Variants in TMEM267 observed in about 807,000 individuals in gnomAD.
TMEM267 encodes the protein transmembrane protein C5orf28.
A neutral mutation model predicts 19.3 loss-of-function variants in TMEM267; 20 were observed. The observed-to-expected ratio is 1.04, with a 90% CI of 0.73 to 1.51. The LOEUF (loss-of-function observed/expected upper bound fraction) is 1.51. Among genes scored for constraint, TMEM267 ranks in the 40% most tolerant of loss-of-function variants. The pLI, the probability that TMEM267 is intolerant of heterozygous loss-of-function variation, is 0.00. For synonymous variants in TMEM267, 88 were observed against 90.3 expected, an observed-to-expected ratio of 0.97 and a Z score of 0.15; for missense variants, 242 against 261.9, an observed-to-expected ratio of 0.92 and a Z score of 0.52.
chr5:43,462,856 C>A (rs190959431), intron 1 of TMEM267, among the ~76,000 whole-genome samples: 37 of 152,194 alleles, frequency 2.4e-4, no homozygotes, highest in African/African-American at 7.7e-4. Flanking sequence ...AAAATTGACA[C>A]CCTAACATCA....
intron 1 of TMEM267, among the ~76,000 whole-genome samples, chr5:43,463,115 T>A (rs1337779645): frequency 6.6e-6 from 1 of 152,182 alleles, no homozygotes; most frequent in Admixed American, 6.6e-5. Context: ...ATATCACCAC[T>A]GATTCCACAG....
intron 1 of TMEM267, chr5:43,479,826 A>G (rs901734324): frequency 7.2e-6 from 3 of 416,292 alleles, no homozygotes; most frequent in Non-Finnish European, 1.4e-5. Flanking sequence ...GGATCTGGAA[A>G]TAATGATTTC....
intron 2 of TMEM267, among the ~76,000 whole-genome samples, chr5:43,453,259 A>G (rs6451696): frequency 0.56 from 85,638 of 152,112 alleles, 25,999 homozygotes; most frequent in African/African-American, 0.77. Context: ...AACATAAAGA[A>G]TAAGGGGGAA....
intron 1 of TMEM267, among the ~76,000 whole-genome samples, chr5:43,464,640 G>C (rs1160991446): frequency 6.6e-6 from 1 of 152,262 alleles, no homozygotes; most frequent in Middle Eastern, 3.4e-3. Flanking sequence ...AGAGCCCTCA[G>C]AAATAATGCC....
At chr5:43,453,619 G>T in intron 2 of TMEM267, 39 bp downstream of exon 2, 1 of 1,568,454 alleles carries the variant, frequency 6.4e-7, no homozygotes, top group Non-Finnish European at 8.7e-7. Flanking sequence ...TAGTGCTAAG[G>T]AAATTAAAGA....
chr5:43,459,213 G>T lies in TMEM267; in HGVS notation c.-74-5170C>A, dbSNP rs79846404. On this transcript the variant is annotated intron_variant, in intron 1 of 2. Transcript: ENST00000397080. The stretch of plus-strand genomic sequence containing the variant: ...ATACACCCATGTATGATTTTGGGGG[G>T]TAGGGGAAACTGAGCAGTAGAACTT... 9.6e-3 allele frequency among the ~76,000 whole-genome samples: 1,457 copies of T among 152,198 alleles called. 11 individuals are homozygous for T. Among genetic ancestry groups the T allele is most frequent in the Middle Eastern group, 0.051 (15 of 294 alleles).
At chr5:43,469,558 CATTT>C (rs899729441) in intron 1 of TMEM267, among the ~76,000 whole-genome samples, 3 of 152,120 alleles carry the variant, frequency 2.0e-5, no homozygotes, top group Non-Finnish European at 2.9e-5. Flanking sequence ...TAAAATTCAA[CATTT>C]ATTTGTTTTA....
Position 43,477,710 on chromosome 5 carries a change from G to A in TMEM267, c.-75+6112C>T, listed in dbSNP as rs183594281. Among the ~76,000 whole-genome samples, 1,213 of 152,112 alleles carry A rather than the reference G, an allele frequency of 8.0e-3. 20 individuals are homozygous for A. The highest frequency in any genetic ancestry group is 0.028 in the African/African-American group (1,174 of 41,468). ...ACCAGGTATTTCCAATGGCATTGCT[G>A]CCAGTGCTGCCTTGTCTGCTGCTGC... On this transcript the variant is annotated intron_variant, in intron 1 of 2. Coordinates refer to ENST00000397080, the MANE Select transcript of TMEM267 (RefSeq NM_022483.5).
At chr5:43,477,025 GAAA>G (rs766177935) in intron 1 of TMEM267, among the ~76,000 whole-genome samples, 1 of 107,402 alleles carries the variant, frequency 9.3e-6, no homozygotes, top group Non-Finnish European at 2.0e-5. Context: ...GTCTGTACTA[GAAA>G]AAAAAAAAAA....
chr5:43,455,527 ATACC>A (rs1408866512), intron 1 of TMEM267, among the ~76,000 whole-genome samples: 1 of 152,084 alleles, frequency 6.6e-6, no homozygotes, highest in Non-Finnish European at 1.5e-5. Context: ...AGAACCAAAC[ATACC>A]TAGTCAATTT....
At chr5:43,478,883 AT>A (rs1019131702) in intron 1 of TMEM267, among the ~76,000 whole-genome samples, 2 of 152,136 alleles carry the variant, frequency 1.3e-5, no homozygotes, top group African/African-American at 2.4e-5. Context: ...GGAAATAATG[AT>A]CACTCTCAAA....
At chr5:43,452,150 T>C (rs6451695) in intron 2 of TMEM267, among the ~76,000 whole-genome samples, 84,660 of 150,658 alleles carry the variant, frequency 0.56, 25,654 homozygotes, top group African/African-American at 0.77. Context: ...ACTTGTATGA[T>C]TATGACAGCA....
At chr5:43,468,488 G>A (rs922855076) in intron 1 of TMEM267, among the ~76,000 whole-genome samples, 2 of 152,108 alleles carry the variant, frequency 1.3e-5, no homozygotes, top group African/African-American at 4.8e-5. Context: ...AAGGAAAAAG[G>A]GAGAGTCTAA....
At chr5:43,470,393 C>T (rs1229213545) in intron 1 of TMEM267, among the ~76,000 whole-genome samples, 1 of 152,200 alleles carries the variant, frequency 6.6e-6, no homozygotes, top group Non-Finnish European at 1.5e-5. Context: ...TCCACTGCTT[C>T]AGCCTCCGAA....
At chr5:43,462,028 G>A (rs1428022707) in intron 1 of TMEM267, among the ~76,000 whole-genome samples, 1 of 152,220 alleles carries the variant, frequency 6.6e-6, no homozygotes, top group African/African-American at 2.4e-5. Flanking sequence ...GCACAGTCAT[G>A]GTAGTTGTGG....
At chr5:43,455,337 C>T (rs1286945136) in intron 1 of TMEM267, among the ~76,000 whole-genome samples, 4 of 151,562 alleles carry the variant, frequency 2.6e-5, no homozygotes, top group Non-Finnish European at 4.4e-5. Flanking sequence ...GTGGGAGGAT[C>T]GCTTAAGCCC....
intron 2 of TMEM267, among the ~76,000 whole-genome samples, chr5:43,447,797 T>C (rs370950637): frequency 1.6e-4 from 25 of 152,224 alleles, no homozygotes; most frequent in African/African-American, 5.8e-4. Context: ...AAACCTAAGA[T>C]TGATCTAAAA....
In TMEM267 at chr5:43,446,465, G is replaced by C. The variant is rs1554030891; in HGVS notation, c.405C>G (p.Phe135Leu). 1.2e-6 allele frequency: 2 copies of C among 1,613,722 alleles called. No homozygotes were observed. The change falls in exon 3 of 3, where the codon TTC becomes TTG. Residue 135 changes from phenylalanine (F) to leucine (L), a missense_variant. Physicochemically the swap from Phe to Leu is conservative, Grantham distance 22. Transcript: ENST00000397080. Reference sequence around the variant, plus strand: ...GAAAGCACCATGAGTCTTTGAGCTTGAAAAGGTGCATAGTAAATTTCAGGG... The same window carrying C: ...GAAAGCACCATGAGTCTTTGAGCTTCAAAAGGTGCATAGTAAATTTCAGGG... The part of the protein sequence containing the change: ...VLTLKFTMHL[F>L]KLKDSWCFLP...
intron 2 of TMEM267, among the ~76,000 whole-genome samples, chr5:43,447,281 G>C (rs148215085): frequency 2.7e-3 from 409 of 151,934 alleles, no homozygotes; most frequent in African/African-American, 9.5e-3. Context: ...GTAGAGACAG[G>C]GTTTCACCAT....
Sources: allele counts gnomAD v4.1 joint callset (sites outside exome capture counted in the v4.1 genomes callset), GRCh38; gene constraint gnomAD v4.1.1; transcripts MANE v1.5; gene names NCBI Gene and HGNC (gene_info 2026-07-23, HGNC 2026-07-21).